CNOT1: variants seen among roughly 807,000 people sequenced by gnomAD.
The protein encoded by CNOT1 is CCR4-NOT transcription complex subunit 1.
In CNOT1, 15 loss-of-function variants were observed where a neutral mutation model predicts 273.8. The ratio of observed to expected loss-of-function variants is 0.05; its 90% CI spans 0.04 to 0.08. The LOEUF is 0.08. CNOT1 is among the 10% of genes least tolerant of loss of function. CNOT1 has a pLI of 1.00. For missense variants in CNOT1, 1,644 were observed against 2,912.2 expected (o/e 0.56, Z 10.02); for synonymous variants, 1,022 against 1,005.5 (o/e 1.02, Z -0.31).
intron 44 of CNOT1, chr16:58,527,845 G>C: frequency 4.8e-6 from 1 of 208,438 alleles, no homozygotes; most frequent in East Asian, 1.5e-4. Context: ...GCAGGGCGTG[G>C]TGGCTCACAC....
intron 3 of CNOT1, 89 bp from the exon 4 acceptor site, chr16:58,587,967 C>T: frequency 7.9e-7 from 1 of 1,266,870 alleles, no homozygotes; most frequent in Non-Finnish European, 1.1e-6. Flanking sequence ...AAAATGTGAT[C>T]TAACACTATA....
Position 58,574,617 on chromosome 16 carries a change from A to T in CNOT1, c.1971T>A (p.Ala657=), listed in dbSNP as rs1296278075. 1.3e-6 allele frequency: 2 copies of T among 1,586,956 alleles called. No individual in the cohort carries two copies. Among genetic ancestry groups the T allele is most frequent in the Non-Finnish European group, 8.5e-7 (1 of 1,173,738 alleles). ...ATGTATGTACTTCTTACCCTGCACA[A>T]GCTTGCAGACAGGCCAACATTGTCG... ...TLATMLACLQ[A]CAGSVSQELS... Residue 657 remains alanine (A), a synonymous_variant, in exon 16 of 49, where the codon GCT becomes GCA. Transcript: ENST00000317147.
intron 1 of CNOT1, among the ~76,000 whole-genome samples, chr16:58,603,540 G>A (rs2042557720): frequency 6.6e-6 from 1 of 151,556 alleles, no homozygotes; most frequent in Non-Finnish European, 1.5e-5. Context: ...TCTTTAAAAT[G>A]TCCAATAAAC....
chr16:58,546,837 A>G, intron 27 of CNOT1, 88 bp from the exon 28 acceptor site: 1 of 1,510,280 alleles, frequency 6.6e-7, no homozygotes. Context: ...ATAAGGGGGT[A>G]GGGGGGAGTC....
In CNOT1 at chr16:58,556,923, G is replaced by A. The variant is rs751590881; in HGVS notation, c.2403C>T (p.Asn801=). The A allele has an allele frequency of 1.2e-5, 19 of 1,613,990 alleles. No homozygotes were observed. Among genetic ancestry groups the A allele is most frequent in the Admixed American group, 3.3e-5 (2 of 59,992 alleles). ...CCAGTTTCCTCTGTACAAAAGGGTC[G>A]TTATTCACTGCAGGGAGTCCAAGAG... ...TGALGLPAVN[N]DPFVQRKLGT... is the part of the protein sequence containing the mutation. The change falls in exon 19 of 49, where the codon AAC becomes AAT. Residue 801 remains asparagine (N), a synonymous_variant. Transcript: ENST00000317147.
Position 58,627,621 on chromosome 16 carries a change from A to G in CNOT1, c.-175+2107T>C, listed in dbSNP as rs74933178. Among the ~76,000 whole-genome samples the G allele has an allele frequency of 4.2e-3, 633 of 152,146 alleles. 5 individuals are homozygous for G. Among genetic ancestry groups the G allele is most frequent in the African/African-American group, 0.014 (592 of 41,510 alleles). ...TTTAGCTTGACAACATCTATGTTAA[A>G]GAGACTAGGATCTAAACCCCGAAGA... On this transcript the variant is annotated intron_variant, in intron 1 of 48. Transcript: ENST00000317147.
intron 1 of CNOT1, among the ~76,000 whole-genome samples, chr16:58,620,559 G>A (rs1245520033): frequency 6.7e-6 from 1 of 149,002 alleles, no homozygotes; most frequent in Non-Finnish European, 1.5e-5. Flanking sequence ...CAGGAGAATC[G>A]CTTGAACCCG....
intron 16 of CNOT1, among the ~76,000 whole-genome samples, chr16:58,572,550 G>A (rs1597484531): frequency 2.0e-5 from 3 of 151,970 alleles, no homozygotes; most frequent in South Asian, 4.1e-4. Flanking sequence ...GGGAGGTGGA[G>A]GCTGCAGTGA....
At position 58,587,227 on chromosome 16, in the gene CNOT1, G is replaced by A; in HGVS notation, c.407C>T (p.Ser136Phe). Reference protein sequence around the residue: ...EVIFGLALLNSSSSDLRGFAA... With the variant: ...EVIFGLALLNFSSSDLRGFAA... ...GAAACCTCTAAGATCTGAGCTGGAA[G>A]AATTCAACAGGGCAAGGCCAAAAAT... The change falls in exon 6 of 49, where the codon TCT becomes TTT. Residue 136 changes from serine (S) to phenylalanine (F), a missense_variant. Ser to Phe is a radical substitution (Grantham distance 155). Coordinates refer to ENST00000317147, the MANE Select transcript of CNOT1 (RefSeq NM_016284.5). 1.2e-6 allele frequency: 2 copies of A among 1,613,676 alleles called. No individual in the cohort carries two copies. Among genetic ancestry groups the A allele is most frequent in the African/African-American group, 1.3e-5 (1 of 75,052 alleles).
At position 58,626,334 on chromosome 16, in the gene CNOT1, G is replaced by A. The variant is rs192083885; in HGVS notation, c.-175+3394C>T. On this transcript the variant is annotated intron_variant, in intron 1 of 48. Coordinates refer to ENST00000317147, the MANE Select transcript of CNOT1 (RefSeq NM_016284.5). Reference sequence around the variant, plus strand: ...AGGCAGAAGAATCGCTTGAACCTGCGAGGCAGGGGTTGCAGTGAGCCAAGA... The same window carrying A: ...AGGCAGAAGAATCGCTTGAACCTGCAAGGCAGGGGTTGCAGTGAGCCAAGA... Among the ~76,000 whole-genome samples, 6 of 148,964 alleles carry A rather than the reference G, an allele frequency of 4.0e-5. No individual in the cohort carries two copies. The East Asian group carries it at 9.9e-4, about 25-fold the overall frequency.
Position 58,557,001 on chromosome 16 carries a change from G to T in CNOT1, c.2333-8C>A. 1 of 1,611,070 alleles carries T rather than the reference G, an allele frequency of 6.2e-7. No homozygotes were observed. Among genetic ancestry groups the T allele is most frequent in the Non-Finnish European group, 8.5e-7 (1 of 1,179,228 alleles). On this transcript the variant is annotated splice_region_variant and splice_polypyrimidine_tract_variant and intron_variant, in intron 18 of 48. Transcript: ENST00000317147. ...CTGTGCCAAGACCACCTACTAGAGAGAACGAAGGCAGCCACAAATCCTATC... is the reference window on the plus strand; with the variant it reads ...CTGTGCCAAGACCACCTACTAGAGATAACGAAGGCAGCCACAAATCCTATC...
intron 35 of CNOT1, 117 bp downstream of exon 35, chr16:58,539,651 A>T: frequency 9.3e-7 from 1 of 1,080,668 alleles, no homozygotes; most frequent in Non-Finnish European, 1.2e-6. Flanking sequence ...CTACTTACAG[A>T]ACTTGATTTA....
At chr16:58,594,013 G>C (rs2139578) in intron 2 of CNOT1, among the ~76,000 whole-genome samples, 55,129 of 152,098 alleles carry the variant, frequency 0.36, 11,009 homozygotes, top group Non-Finnish European at 0.45. Flanking sequence ...GGGAGGCCAA[G>C]GCGGGCAGAT....
rs201299803 is a variant in CNOT1 at position 58,534,138 on chromosome 16, A to G, written c.5895+9T>C. The G allele has an allele frequency of 1.2e-3, 2,000 of 1,612,674 alleles. No individual in the cohort carries two copies. Among genetic ancestry groups the G allele is most frequent in the Non-Finnish European group, 1.5e-3 (1,783 of 1,178,884 alleles). ...TAGACCAAGACTAAGGCAAGAAAGG[A>G]TTTCAGACCTTGTTCAGCAGATTAA... is the stretch of plus-strand genomic sequence containing the variant. On this transcript the variant is annotated intron_variant, in intron 40 of 48. Coordinates refer to ENST00000317147, the MANE Select transcript of CNOT1 (RefSeq NM_016284.5).
At chr16:58,536,526 G>A (rs1430194787) in intron 39 of CNOT1, among the ~76,000 whole-genome samples, 1 of 152,052 alleles carries the variant, frequency 6.6e-6, no homozygotes, top group Non-Finnish European at 1.5e-5. Flanking sequence ...ATACTGGGAA[G>A]TATTTTCCAA....
intron 10 of CNOT1, 136 bp from the exon 11 acceptor site, chr16:58,581,651 C>A: frequency 7.3e-7 from 1 of 1,372,980 alleles, no homozygotes; most frequent in Non-Finnish European, 9.5e-7. Context: ...TTTAAGAAAC[C>A]CATTCTTTTT....
In CNOT1 at chr16:58,551,395, T is replaced by A. The variant is rs1241466759; in HGVS notation, c.3202-123A>T. On this transcript the variant is annotated intron_variant, in intron 23 of 48. Transcript: ENST00000317147. ...ATGGTATGACTGTGTATTAGAAATGTAGGCAAGAATAGTGAACTATTAATA... is the reference window on the plus strand; with the variant it reads ...ATGGTATGACTGTGTATTAGAAATGAAGGCAAGAATAGTGAACTATTAATA... 11 of 1,216,248 alleles carry A rather than the reference T, an allele frequency of 9.0e-6. No individual in the cohort carries two copies. The East Asian group carries it at 2.6e-4, about 29-fold the overall frequency. The allele number at this position is 1,216,248 out of a possible 1,614,324, so 75.3% of individuals were successfully genotyped here. A position where few individuals can be genotyped will look rare whatever the true frequency, so the allele number is the denominator to read the frequency against.
In CNOT1 at chr16:58,539,760, G is replaced by T. The variant is rs773709769; in HGVS notation, c.4992+8C>A. On this transcript the variant is annotated splice_region_variant and intron_variant, in intron 35 of 48. Coordinates refer to ENST00000317147, the MANE Select transcript of CNOT1 (RefSeq NM_016284.5). ...GCATTTTCTAAAAGTAATAGCTTAA[G>T]AACCAACCTTTTGGAGCAATCCAAG... 6.2e-7 allele frequency: 1 copy of T among 1,607,658 alleles called. No individual in the cohort carries two copies. The highest frequency in any genetic ancestry group is 1.7e-5 in the Admixed American group (1 of 58,798).
chr16:58,610,574 TG>T (rs1211343603), intron 1 of CNOT1, among the ~76,000 whole-genome samples: 1 of 152,110 alleles, frequency 6.6e-6, no homozygotes, highest in Non-Finnish European at 1.5e-5. Context: ...CGGGGCGCGG[TG>T]GCTCACACCT....
Sources: gnomAD v4.1 joint callset for allele counts (sites outside exome capture counted in the v4.1 genomes callset) on GRCh38, gnomAD v4.1.1 for gene constraint, MANE v1.5 for transcripts, NCBI Gene and HGNC (gene_info 2026-07-23, HGNC 2026-07-21) for gene names.